Variants in ERC1 observed in about 807,000 individuals in gnomAD.
ERC1 encodes ELKS/RAB6-interacting/CAST family member 1.
A neutral mutation model predicts 132.0 loss-of-function variants in ERC1; 56 were observed. That is an observed-to-expected ratio of 0.42 (90% CI 0.34 to 0.53). The LOEUF (loss-of-function observed/expected upper bound fraction) is 0.53, where lower values mean the gene tolerates loss of function less well. ERC1 is among the 20% of genes least tolerant of loss of function. The pLI, the probability that ERC1 is intolerant of heterozygous loss-of-function variation, is 0.03. For missense variants in ERC1, 1,202 were observed against 1,349.9 expected, an observed-to-expected ratio of 0.89 and a Z score of 1.72; for synonymous variants, 478 against 476.1, an observed-to-expected ratio of 1.00 and a Z score of -0.05.
intron 2 of ERC1, among the ~76,000 whole-genome samples, chr12:1,057,426 T>G (rs1330182496): frequency 6.6e-6 from 1 of 152,096 alleles, no homozygotes; most frequent in Non-Finnish European, 1.5e-5. Context: ...GCGCCCAGCC[T>G]GTATATCTTC....
chr12:1,465,697 C>A (rs1167261539), intron 18 of ERC1, among the ~76,000 whole-genome samples: 4 of 152,106 alleles, frequency 2.6e-5, no homozygotes, highest in African/African-American at 9.7e-5. Context: ...CCTGAAAGCC[C>A]CGCTTCCCCT....
At position 1,483,668 on chromosome 12, in the gene ERC1, C is replaced by CTTTT. The variant is rs35596394; in HGVS notation, c.3214-6390_3214-6387dup. On this transcript the variant is annotated intron_variant, in intron 18 of 18. Coordinates refer to ENST00000360905, the MANE Select transcript of ERC1 (RefSeq NM_178040.4). ...CAAAACTCCTTCCAGCCACTGAGAG[C>CTTTT]TTTTTTTTTTTTTTTTTTTTTTTTT... Among the ~76,000 whole-genome samples the CTTTT allele has an allele frequency of 6.3e-4, 35 of 55,218 alleles. 9 individuals are homozygous for CTTTT. Among genetic ancestry groups the CTTTT allele is most frequent in the Non-Finnish European group, 1.1e-3 (30 of 28,118 alleles). 36.2% of individuals were successfully genotyped at this position (55,218 alleles called of 152,430 possible). A position where few individuals can be genotyped will look rare whatever the true frequency, so the allele number is the denominator to read the frequency against.
intron 7 of ERC1, among the ~76,000 whole-genome samples, chr12:1,132,394 G>A (rs1948849490): frequency 6.6e-6 from 1 of 152,120 alleles, no homozygotes; most frequent in Non-Finnish European, 1.5e-5. Context: ...TATACTAAAG[G>A]TTTGTATGTT....
intron 2 of ERC1, among the ~76,000 whole-genome samples, chr12:1,071,921 A>C (rs61918740): frequency 0.23 from 34,512 of 151,806 alleles, 4,341 homozygotes; most frequent in Middle Eastern, 0.28. Flanking sequence ...GCCAACATGG[A>C]GAAACCCTGT....
At chr12:1,253,779 T>C (rs963363813) in intron 13 of ERC1, among the ~76,000 whole-genome samples, 5 of 152,156 alleles carry the variant, frequency 3.3e-5, no homozygotes, top group African/African-American at 1.2e-4. Context: ...GAGAGATGTA[T>C]TGGGAGTGGT....
At chr12:1,424,248 T>C (rs2092535335) in intron 17 of ERC1, among the ~76,000 whole-genome samples, 1 of 152,158 alleles carries the variant, frequency 6.6e-6, no homozygotes, top group African/African-American at 2.4e-5. Flanking sequence ...CTTAAATCTT[T>C]AGAGAAAAAA....
intron 18 of ERC1, among the ~76,000 whole-genome samples, chr12:1,453,479 T>C (rs775160811): frequency 6.6e-6 from 1 of 152,236 alleles, no homozygotes; most frequent in Non-Finnish European, 1.5e-5. Flanking sequence ...TTTGGCCTTA[T>C]GTCTTCTCAC....
chr12:1,038,442 A>G (rs182371328), intron 2 of ERC1, among the ~76,000 whole-genome samples: 1 of 151,496 alleles, frequency 6.6e-6, no homozygotes, highest in African/African-American at 2.4e-5. Flanking sequence ...GCTCACTGCA[A>G]CCTCCGCCTC....
At chr12:1,073,034 G>A (rs1048338221) in intron 2 of ERC1, among the ~76,000 whole-genome samples, 4 of 152,044 alleles carry the variant, frequency 2.6e-5, no homozygotes, top group African/African-American at 9.7e-5. Context: ...AGGTGCGGTG[G>A]CTCATGCCTG....
intron 7 of ERC1, among the ~76,000 whole-genome samples, chr12:1,118,820 G>T (rs1409081177): frequency 6.6e-6 from 1 of 152,102 alleles, no homozygotes; most frequent in Admixed American, 6.5e-5. Context: ...CTAACACTCG[G>T]ATTACTAAAT....
intron 15 of ERC1, among the ~76,000 whole-genome samples, chr12:1,320,803 G>A (rs1358099584): frequency 4.6e-5 from 7 of 152,166 alleles, no homozygotes; most frequent in African/African-American, 1.2e-4. Flanking sequence ...CCGGGTTCAC[G>A]TCATTCTCCT....
chr12:1,349,435 G>A (rs764231762), intron 15 of ERC1, among the ~76,000 whole-genome samples: 2 of 152,080 alleles, frequency 1.3e-5, no homozygotes, highest in Non-Finnish European at 1.5e-5. Context: ...AGGCCGAGGC[G>A]GGCAGATCAT....
At chr12:1,036,461 A>C (rs1432829395) in intron 2 of ERC1, among the ~76,000 whole-genome samples, 1 of 146,114 alleles carries the variant, frequency 6.8e-6, no homozygotes, top group Admixed American at 7.1e-5. Flanking sequence ...TGCAGCCTCC[A>C]CCTCCCAGGT....
chr12:1,027,706 AT>A, intron 1 of ERC1, 41 bp from the exon 2 acceptor site: 1 of 555,310 alleles, frequency 1.8e-6, no homozygotes, highest in Non-Finnish European at 3.2e-6. Flanking sequence ...GAAGGGAAAT[AT>A]TTATTATTGG....
intron 15 of ERC1, among the ~76,000 whole-genome samples, chr12:1,315,378 C>A (rs928524390): frequency 2.6e-5 from 4 of 151,558 alleles, no homozygotes; most frequent in African/African-American, 7.3e-5. Context: ...TGAGATGAAG[C>A]CTTGCTCTGT....
At chr12:1,312,464 T>G (rs1018596850) in intron 15 of ERC1, among the ~76,000 whole-genome samples, 18 of 152,180 alleles carry the variant, frequency 1.2e-4, no homozygotes, top group Non-Finnish European at 2.4e-4. Context: ...GTTTGAGTGA[T>G]TCTCATGCCT....
chr12:1,428,179 C>G (rs2092693886), intron 17 of ERC1, among the ~76,000 whole-genome samples: 1 of 152,158 alleles, frequency 6.6e-6, no homozygotes, highest in Non-Finnish European at 1.5e-5. Flanking sequence ...TTTAGACATT[C>G]TTCCTGGACA....
Position 1,028,049 on chromosome 12 carries a change from G to A in ERC1, c.146G>A (p.Gly49Asp), listed in dbSNP as rs747891154. ...AGTTCGGGAAGCAGTGTTGGAGGTG[G>A]CAGTGGGAAAACCCTTTCAATGGAA... ...GGSSGSSVGG[G>D]SGKTLSMENI... The change falls in exon 2 of 19, where the codon GGC becomes GAC. Residue 49 changes from glycine (G) to aspartate (D), a missense_variant. Transcript: ENST00000360905. 6.2e-7 allele frequency: 1 copy of A among 1,614,166 alleles called. No homozygotes were observed.
chr12:1,075,517 C>T (rs1046816771), intron 2 of ERC1, among the ~76,000 whole-genome samples: 4 of 152,056 alleles, frequency 2.6e-5, no homozygotes, highest in African/African-American at 9.7e-5. Context: ...ATGGTGAAAC[C>T]CCGTCTCTAC....
Sources: gnomAD v4.1 joint callset for allele counts (sites outside exome capture counted in the v4.1 genomes callset) on GRCh38, gnomAD v4.1.1 for gene constraint, MANE v1.5 for transcripts, NCBI Gene and HGNC (gene_info 2026-07-23, HGNC 2026-07-21) for gene names.